Variants in THADA observed in about 807,000 individuals in gnomAD.
The protein encoded by THADA is tRNA (32-2'-O)-methyltransferase regulator THADA.
A neutral mutation model predicts 219.8 loss-of-function variants in THADA; 213 were observed. The ratio of observed to expected loss-of-function variants is 0.97; its 90% confidence interval spans 0.87 to 1.09. THADA has a LOEUF of 1.09. THADA is among the 50% of genes least tolerant of loss of function. The pLI, the probability that THADA is intolerant of heterozygous loss-of-function variation, is 0.00. For synonymous variants in THADA, 1,018 were observed against 828.9 expected, an observed-to-expected ratio of 1.23 and a Z score of -3.92; for missense variants, 2,956 against 2,311.3, an observed-to-expected ratio of 1.28 and a Z score of -5.72.
intron 30 of THADA, among the ~76,000 whole-genome samples, chr2:43,329,148 TA>T (rs1679676732): frequency 6.6e-6 from 1 of 152,230 alleles, no homozygotes; most frequent in Admixed American, 6.5e-5. Context: ...TAAAGTTTAA[TA>T]TGCTGCCAGA....
intron 36 of THADA, among the ~76,000 whole-genome samples, chr2:43,255,905 G>A (rs6755601): frequency 0.3 from 45,653 of 152,036 alleles, 9,381 homozygotes; most frequent in African/African-American, 0.59. Context: ...GCCATTTGAC[G>A]TGTGTAGCCC....
At chr2:43,505,879 T>C in intron 23 of THADA, 144 bp from the exon 24 acceptor site, 1 of 633,560 alleles carries the variant, frequency 1.6e-6, no homozygotes, top group Non-Finnish European at 2.8e-6. Context: ...CATGTGGCCG[T>C]GGGCAAGTGG....
At chr2:43,386,869 G>A (rs982538501) in intron 29 of THADA, among the ~76,000 whole-genome samples, 7 of 148,114 alleles carry the variant, frequency 4.7e-5, no homozygotes, top group South Asian at 2.1e-4. Context: ...CTGCACTCTC[G>A]CCTGGGCTAC....
At position 43,477,200 on chromosome 2, in the gene THADA, C is replaced by A. The variant is rs143065790; in HGVS notation, c.3836+8034G>T. 2.4e-3 allele frequency among the ~76,000 whole-genome samples: 370 copies of A among 152,060 alleles called. 1 individual carries two copies. Among genetic ancestry groups the A allele is most frequent in the African/African-American group, 8.8e-3 (364 of 41,462 alleles). The stretch of plus-strand genomic sequence containing the variant: ...TAATCAGTATCCCGACAGCAGTATT[C>A]CCCAAACTGTTGGATGGAAAAAAAA... On this transcript the variant is annotated intron_variant, in intron 26 of 37. Transcript: ENST00000405975.
intron 24 of THADA, among the ~76,000 whole-genome samples, chr2:43,504,999 A>G (rs1249228627): frequency 6.6e-6 from 1 of 152,228 alleles, no homozygotes; most frequent in Non-Finnish European, 1.5e-5. Flanking sequence ...CTAGTGGTGA[A>G]GTGGAGCTAT....
chr2:43,586,014 C>T (rs1234697202), intron 7 of THADA, among the ~76,000 whole-genome samples: 1 of 152,078 alleles, frequency 6.6e-6, no homozygotes, highest in Non-Finnish European at 1.5e-5. Flanking sequence ...CCTGTAATCT[C>T]AACACTTCGG....
At chr2:43,580,010 A>G (rs1700244269) in intron 8 of THADA, among the ~76,000 whole-genome samples, 1 of 150,700 alleles carries the variant, frequency 6.6e-6, no homozygotes, top group Admixed American at 6.6e-5. Context: ...AACTTTTCGG[A>G]AAAAAAGCTA....
At chr2:43,493,432 T>A (rs1017489221) in intron 25 of THADA, among the ~76,000 whole-genome samples, 1 of 151,938 alleles carries the variant, frequency 6.6e-6, no homozygotes, top group Admixed American at 6.6e-5. Context: ...GAGGCAGAGG[T>A]TGCAGTGAGA....
chr2:43,506,628 G>A (rs1316972706), intron 23 of THADA, among the ~76,000 whole-genome samples: 3 of 152,168 alleles, frequency 2.0e-5, no homozygotes, highest in African/African-American at 4.8e-5. Context: ...GGTTTCATGG[G>A]TTGATGTTCT....
Position 43,570,480 on chromosome 2 carries a change from C to T in THADA, c.2095G>A (p.Val699Ile), listed in dbSNP as rs17031056. The change falls in exon 14 of 38, where the codon GTA becomes ATA. Residue 699 changes from valine (V) to isoleucine (I), a missense_variant. Transcript: ENST00000405975. ...LFCRIQESSQ[V>I]LYKLEQSKSK... is the part of the protein sequence containing the mutation. ...TTACTCTGCTCCAATTTATAAAGTA[C>T]CTGAGAACTTTCCTGTATCCTACAA... is the stretch of plus-strand genomic sequence containing the variant. 0.2 allele frequency: 319,284 copies of T among 1,611,778 alleles called. 32,627 individuals are homozygous for T. The highest frequency in any genetic ancestry group is 0.28 in the Middle Eastern group (1,701 of 6,048).
In THADA at chr2:43,320,451, TG is replaced by T. The variant is rs1678571492; in HGVS notation, c.4432del (p.Gln1478SerfsTer22). 6.2e-7 allele frequency: 1 copy of T among 1,611,058 alleles called. No homozygotes were observed. The highest frequency in any genetic ancestry group is 8.5e-7 in the Non-Finnish European group (1 of 1,177,924). The stretch of plus-strand genomic sequence containing the variant: ...AGTATAACTATGAATCATACCTGGC[TG>T]GTTGTCCTTTGCAGATCTGTTGAGG... ...CCLNRSAKDN[Q>X]PVLESLGFWE... On this transcript the variant is annotated frameshift_variant, in exon 31 of 38. Coordinates refer to ENST00000405975, the MANE Select transcript of THADA (RefSeq NM_022065.5). LOFTEE classifies it high-confidence loss of function.
chr2:43,310,236 C>CCG (rs397699063), intron 31 of THADA, among the ~76,000 whole-genome samples: 1 of 121,026 alleles, frequency 8.3e-6, no homozygotes, highest in Non-Finnish European at 1.7e-5. Flanking sequence ...GCCCCCCCCC[C>CCG]AAACAAGCTG....
intron 26 of THADA, among the ~76,000 whole-genome samples, chr2:43,448,477 C>T (rs1404711966): frequency 2.0e-5 from 3 of 151,882 alleles, no homozygotes. Flanking sequence ...TTGTTGCAAC[C>T]CTCTTAGCAC....
chr2:43,572,961 A>G lies in THADA; in HGVS notation c.1761T>C (p.Ser587=), dbSNP rs1460749438. ...CTCCCAGAGCCCCCCTGCTATTACAAGACCCTAAGGATGGGAAAGATTGCT... is the reference window on the plus strand; with the variant it reads ...CTCCCAGAGCCCCCCTGCTATTACAGGACCCTAAGGATGGGAAAGATTGCT... ...GQEQSFPSLG[S]CNSRGALGAL... is the part of the protein sequence containing the mutation. Residue 587 remains serine (S), a synonymous_variant, in exon 12 of 38, where the codon TCT becomes TCC. Coordinates refer to ENST00000405975, the MANE Select transcript of THADA (RefSeq NM_022065.5). The G allele has an allele frequency of 1.2e-6, 2 of 1,613,940 alleles. No homozygotes were observed. The highest frequency in any genetic ancestry group is 1.7e-6 in the Non-Finnish European group (2 of 1,179,860).
rs762523260 is a variant in THADA, at chr2:43,590,884, A to G, written c.242T>C (p.Ile81Thr). The change falls in exon 4 of 38, where the codon ATC becomes ACC. Residue 81 changes from isoleucine (I) to threonine (T), a missense_variant. Physicochemically the swap from Ile to Thr is moderately conservative, Grantham distance 89 (BLOSUM62 -1). Transcript: ENST00000405975. ...CAAAGAAAGATAAATGCCTGCTAAGATATCCAAACAACTTTGAATAGTGGG... is the reference window on the plus strand; with the variant it reads ...CAAAGAAAGATAAATGCCTGCTAAGGTATCCAAACAACTTTGAATAGTGGG... ...CDPTIQSCLD[I>T]LAGIYLSLSL... 3.1e-6 allele frequency: 5 copies of G among 1,613,840 alleles called. No homozygotes were observed. The highest frequency in any genetic ancestry group is 4.2e-6 in the Non-Finnish European group (5 of 1,179,768).
chr2:43,518,571 G>C (rs1251182680), intron 22 of THADA, among the ~76,000 whole-genome samples: 1 of 152,060 alleles, frequency 6.6e-6, no homozygotes, highest in East Asian at 1.9e-4. Context: ...GTATAGTTCA[G>C]GTTCATGTAA....
chr2:43,517,601 T>A (rs1335886083), intron 22 of THADA, among the ~76,000 whole-genome samples: 1 of 152,168 alleles, frequency 6.6e-6, no homozygotes, highest in East Asian at 1.9e-4. Flanking sequence ...AGAAACTTTA[T>A]GTCCATTTAT....
chr2:43,319,030 C>A (rs1678397762), intron 31 of THADA, among the ~76,000 whole-genome samples: 1 of 152,142 alleles, frequency 6.6e-6, no homozygotes, highest in Non-Finnish European at 1.5e-5. Flanking sequence ...AAGCAATGAA[C>A]AAATCTCTTA....
At chr2:43,489,027 A>G (rs1687269159) in intron 25 of THADA, among the ~76,000 whole-genome samples, 1 of 152,106 alleles carries the variant, frequency 6.6e-6, no homozygotes, top group Non-Finnish European at 1.5e-5. Flanking sequence ...TTGAGTTATA[A>G]GAGTTCTTTA....
Sources: gnomAD v4.1 joint callset for allele counts (sites outside exome capture counted in the v4.1 genomes callset) on GRCh38, gnomAD v4.1.1 for gene constraint, MANE v1.5 for transcripts, NCBI Gene and HGNC (gene_info 2026-07-23, HGNC 2026-07-21) for gene names.